FHOD3: variants seen among roughly 807,000 people sequenced by gnomAD.
The protein encoded by FHOD3 is FH1/FH2 domain-containing protein 3.
Under a neutral mutation model 173.0 loss-of-function variants are expected in FHOD3, and 90 were observed. The observed-to-expected ratio is 0.52, with a 90% confidence interval of 0.44 to 0.62. FHOD3 has a LOEUF of 0.62. FHOD3 is among the 20% of genes least tolerant of loss of function. The pLI, the probability that FHOD3 is intolerant of heterozygous loss-of-function variation, is 0.00. For missense variants in FHOD3, 1,945 were observed against 2,034.7 expected, an observed-to-expected ratio of 0.96 and a Z score of 0.85; for synonymous variants, 828 against 823.0, an observed-to-expected ratio of 1.01 and a Z score of -0.10.
intron 3 of FHOD3, among the ~76,000 whole-genome samples, chr18:36,463,648 A>G (rs1392741542): frequency 1.3e-5 from 2 of 151,924 alleles, no homozygotes; most frequent in African/African-American, 4.8e-5. Context: ...GGTGTGCACC[A>G]CCATGCCCAG....
intron 3 of FHOD3, among the ~76,000 whole-genome samples, chr18:36,417,489 T>G (rs867583823): frequency 6.6e-6 from 1 of 152,354 alleles, no homozygotes; most frequent in Middle Eastern, 3.4e-3. Context: ...TTTAGGTTGA[T>G]TCCATGTCTT....
intron 2 of FHOD3, among the ~76,000 whole-genome samples, chr18:36,371,787 T>C (rs763509510): frequency 6.6e-6 from 1 of 152,110 alleles, no homozygotes; most frequent in Non-Finnish European, 1.5e-5. Context: ...CAGATTCTGT[T>C]ATACATTAAG....
chr18:36,346,418 T>C (rs1440273749), intron 1 of FHOD3, among the ~76,000 whole-genome samples: 5 of 152,062 alleles, frequency 3.3e-5, no homozygotes, highest in Admixed American at 6.6e-5. Context: ...TTTTATCCCA[T>C]CTCCCTGCCC....
At chr18:36,382,762 C>T (rs1044538571) in intron 3 of FHOD3, among the ~76,000 whole-genome samples, 5 of 151,170 alleles carry the variant, frequency 3.3e-5, no homozygotes, top group East Asian at 2.0e-4. Flanking sequence ...TCTGTCAACC[C>T]GAGACGGGTC....
chr18:36,725,121 A>G (rs983313848), intron 19 of FHOD3, among the ~76,000 whole-genome samples: 1 of 152,038 alleles, frequency 6.6e-6, no homozygotes, highest in African/African-American at 2.4e-5. Flanking sequence ...CTAGTCTAGC[A>G]TCCTGTACCT....
At chr18:36,425,319 T>G (rs2050182854) in intron 3 of FHOD3, among the ~76,000 whole-genome samples, 1 of 152,180 alleles carries the variant, frequency 6.6e-6, no homozygotes, top group Non-Finnish European at 1.5e-5. Context: ...ACTGGAGGTC[T>G]TGGAATACAT....
chr18:36,740,538 A>G, intron 20 of FHOD3, 118 bp from the exon 21 acceptor site: 1 of 1,035,054 alleles, frequency 9.7e-7, no homozygotes, highest in Non-Finnish European at 1.4e-6. Context: ...ACAATATAAC[A>G]CCTGTACATA....
intron 10 of FHOD3, among the ~76,000 whole-genome samples, chr18:36,641,979 A>T (rs979222518): frequency 1.3e-5 from 2 of 151,800 alleles, no homozygotes; most frequent in African/African-American, 4.8e-5. Context: ...TGTTAAATAG[A>T]GGGAGATAAA....
At chr18:36,417,367 G>C (rs1423716912) in intron 3 of FHOD3, among the ~76,000 whole-genome samples, 2 of 152,120 alleles carry the variant, frequency 1.3e-5, no homozygotes, top group Non-Finnish European at 2.9e-5. Flanking sequence ...ATGACTTCCA[G>C]CTCCTTCCAT....
intron 20 of FHOD3, among the ~76,000 whole-genome samples, chr18:36,733,524 A>G (rs142364094): frequency 3.1e-4 from 47 of 152,346 alleles, no homozygotes; most frequent in African/African-American, 1.1e-3. Context: ...CCTCAGGAGA[A>G]ATTTATTCCT....
chr18:36,440,614 A>G (rs1413518818), intron 3 of FHOD3, among the ~76,000 whole-genome samples: 1 of 152,246 alleles, frequency 6.6e-6, no homozygotes, highest in Non-Finnish European at 1.5e-5. Context: ...GTGCTGCTCC[A>G]GGACTCTGAA....
At chr18:36,437,682 T>TTTTTTTTTTTTTTTTTTTTTA (rs71168224) in intron 3 of FHOD3, among the ~76,000 whole-genome samples, 3 of 129,616 alleles carry the variant, frequency 2.3e-5, no homozygotes, top group African/African-American at 8.4e-5. Flanking sequence ...TTTTTTTTTT[T>TTTTTTTTTTTTTTTTTTTTTA]AAGACAGAGT....
intron 3 of FHOD3, among the ~76,000 whole-genome samples, chr18:36,424,088 T>C (rs1269297876): frequency 1.3e-5 from 2 of 152,028 alleles, no homozygotes; most frequent in African/African-American, 4.8e-5. Flanking sequence ...ACCTAAAGCA[T>C]CTCCCACCTA....
intron 1 of FHOD3, among the ~76,000 whole-genome samples, chr18:36,305,100 T>A (rs769633447): frequency 3.3e-5 from 5 of 152,192 alleles, no homozygotes; most frequent in Non-Finnish European, 7.3e-5. Context: ...GAATTAACTG[T>A]TAAAGAGGGA....
chr18:36,528,816 C>G (rs1201473472), intron 5 of FHOD3, among the ~76,000 whole-genome samples: 2 of 152,178 alleles, frequency 1.3e-5, no homozygotes, highest in Non-Finnish European at 2.9e-5. Context: ...CAGCTCTGCC[C>G]TTTTAGAAAA....
intron 20 of FHOD3, among the ~76,000 whole-genome samples, chr18:36,738,661 T>C (rs980254960): frequency 6.6e-6 from 1 of 152,244 alleles, no homozygotes; most frequent in Admixed American, 6.5e-5. Flanking sequence ...ATATAGAGTC[T>C]AGTTGTTCTA....
chr18:36,423,427 G>A (rs1471124238), intron 3 of FHOD3, among the ~76,000 whole-genome samples: 1 of 152,114 alleles, frequency 6.6e-6, no homozygotes, highest in Non-Finnish European at 1.5e-5. Context: ...CACCACAAAA[G>A]CAAGGTCATC....
chr18:36,533,806 G>A (rs533742396), intron 5 of FHOD3, among the ~76,000 whole-genome samples: 1 of 152,286 alleles, frequency 6.6e-6, no homozygotes, highest in African/African-American at 2.4e-5. Flanking sequence ...AATTGTTTGA[G>A]GACAGGAGTA....
chr18:36,720,189 G>T (rs902062797), intron 19 of FHOD3, among the ~76,000 whole-genome samples: 6 of 151,066 alleles, frequency 4.0e-5, no homozygotes, highest in Non-Finnish European at 5.9e-5. Flanking sequence ...GACTTTCTAG[G>T]ACTGGTACCA....
Sources: gnomAD v4.1 joint callset for allele counts (sites outside exome capture counted in the v4.1 genomes callset) on GRCh38, gnomAD v4.1.1 for gene constraint, MANE v1.5 for transcripts, NCBI Gene and HGNC (gene_info 2026-07-23, HGNC 2026-07-21) for gene names.